The following KRT222 variants were observed in gnomAD, a reference collection of about 807,000 sequenced individuals.
The protein encoded by KRT222 is keratin 222, also known as keratin-like protein KRT222.
A neutral mutation model predicts 35.0 loss-of-function variants in KRT222; 23 were observed. That is an observed-to-expected ratio of 0.66 (90% CI 0.47 to 0.93). The LOEUF (loss-of-function observed/expected upper bound fraction) is 0.93. KRT222 is among the 40% of genes least tolerant of loss of function. The probability of loss-of-function intolerance (pLI) is 0.00; values close to 1 mark genes in which losing one functional copy is unlikely to be tolerated. For synonymous variants in KRT222, 108 were observed against 118.8 expected, an observed-to-expected ratio of 0.91 and a Z score of 0.59; for missense variants, 339 against 346.3, an observed-to-expected ratio of 0.98 and a Z score of 0.17.
chr17:40,663,731 T>C (rs566907031), intron 1 of KRT222, among the ~76,000 whole-genome samples: 1 of 152,372 alleles, frequency 6.6e-6, no homozygotes, highest in South Asian at 2.1e-4. Context: ...GAAAATCCTC[T>C]AAAGTAGTTT....
intron 2 of KRT222, 77 bp from the exon 3 acceptor site, chr17:40,660,284 C>CA: frequency 3.1e-6 from 3 of 952,998 alleles, no homozygotes; most frequent in Non-Finnish European, 4.6e-6. Context: ...ATATCTTCAT[C>CA]TTTTTTTTTT....
At position 40,656,329 on chromosome 17, in the gene KRT222, G is replaced by A; in HGVS notation, c.*73C>T. 2 of 988,892 alleles carry A rather than the reference G, an allele frequency of 2.0e-6. No individual in the cohort carries two copies. The highest frequency in any genetic ancestry group is 1.4e-5 in the South Asian group (1 of 72,974). 61.3% of individuals were successfully genotyped at this position (988,892 alleles called of 1,614,324 possible). A position where few individuals can be genotyped will look rare whatever the true frequency, so the allele number is the denominator to read the frequency against. On this transcript the variant is annotated 3_prime_UTR_variant, in exon 6 of 6. Transcript: ENST00000394052. ...ACATACGTAATAACTTACATTTTGGGACAGAGGGAGTTGGTATGGCCCACC... is the reference window on the plus strand; with the variant it reads ...ACATACGTAATAACTTACATTTTGGAACAGAGGGAGTTGGTATGGCCCACC...
Position 40,656,319 on chromosome 17 carries a change from TA to T in KRT222, c.*82del. 1.1e-6 allele frequency: 1 copy of T among 896,648 alleles called. No individual in the cohort carries two copies. Among genetic ancestry groups the T allele is most frequent in the Non-Finnish European group, 1.8e-6 (1 of 548,346 alleles). 55.5% of individuals were successfully genotyped at this position (896,648 alleles called of 1,614,324 possible). ...CATTTTCCATACATACGTAATAACT[TA>T]CATTTTGGGACAGAGGGAGTTGGTA... is the stretch of plus-strand genomic sequence containing the variant. On this transcript the variant is annotated 3_prime_UTR_variant, in exon 6 of 6. Transcript: ENST00000394052.
chr17:40,658,697 T>C (rs1407575650), intron 3 of KRT222, among the ~76,000 whole-genome samples: 2 of 152,198 alleles, frequency 1.3e-5, no homozygotes, highest in Admixed American at 1.3e-4. Flanking sequence ...AATGTCAAGA[T>C]TTATTATAGG....
At chr17:40,660,293 T>C in intron 2 of KRT222, 86 bp from the exon 3 acceptor site, 1 of 1,121,278 alleles carries the variant, frequency 8.9e-7, no homozygotes, top group Non-Finnish European at 1.3e-6. Context: ...TCTTTTTTTT[T>C]TTTTTGAGAT....
chr17:40,658,625 G>C (rs1265461938), intron 3 of KRT222, among the ~76,000 whole-genome samples: 1 of 152,092 alleles, frequency 6.6e-6, no homozygotes, highest in Non-Finnish European at 1.5e-5. Context: ...ACTTGCCCAA[G>C]GTCACTCAGC....
Position 40,662,038 on chromosome 17 carries a change from C to T in KRT222, c.103G>A (p.Glu35Lys). The T allele has an allele frequency of 6.2e-7, 1 of 1,612,610 alleles. No individual in the cohort carries two copies. The highest frequency in any genetic ancestry group is 1.1e-5 in the South Asian group (1 of 90,586). The change falls in exon 2 of 6, where the codon GAA becomes AAA. Residue 35 changes from glutamate (E) to lysine (K), a missense_variant. Coordinates refer to ENST00000394052, the MANE Select transcript of KRT222 (RefSeq NM_152349.3). Reference sequence around the variant, plus strand: ...TTGTCCATTTTTTTGCTTATGTCTTCTTCTAGCTAACAAGAAAGCCAACAG... The same window carrying T: ...TTGTCCATTTTTTTGCTTATGTCTTTTTCTAGCTAACAAGAAAGCCAACAG... The part of the protein sequence containing the change: ...TVLSTRIQLE[E>K]DISKKMDKDE...
intron 2 of KRT222, among the ~76,000 whole-genome samples, chr17:40,661,543 G>A (rs2037384005): frequency 6.6e-6 from 1 of 152,216 alleles, no homozygotes; most frequent in Non-Finnish European, 1.5e-5. Flanking sequence ...TGGGATTACA[G>A]GGGTAAGCCA....
intron 2 of KRT222, 53 bp from the exon 3 acceptor site, chr17:40,660,260 A>C: frequency 2.0e-6 from 3 of 1,472,244 alleles, no homozygotes; most frequent in Non-Finnish European, 2.8e-6. Context: ...TGTGTTTCTG[A>C]AATCTGATTT....
rs1177816608 is a variant in KRT222, at chr17:40,655,018, C to T, written c.*1384G>A. The T allele has an allele frequency of 1.1e-5, 1 of 93,662 alleles. No homozygotes were observed. Among genetic ancestry groups the T allele is most frequent in the Non-Finnish European group, 2.1e-5 (1 of 48,104 alleles). 5.8% of individuals were successfully genotyped at this position (93,662 alleles called of 1,614,324 possible). A position where few individuals can be genotyped will look rare whatever the true frequency, so the allele number is the denominator to read the frequency against. On this transcript the variant is annotated 3_prime_UTR_variant, in exon 6 of 6. Coordinates refer to ENST00000394052, the MANE Select transcript of KRT222 (RefSeq NM_152349.3). Reference sequence around the variant, plus strand: ...TTTCCTGGTTAAAACATACATTTTTCTGGTTGAAATATATATATACATATA... The same window carrying T: ...TTTCCTGGTTAAAACATACATTTTTTTGGTTGAAATATATATATACATATA...
rs1330544756 is a variant in KRT222 at position 40,655,774 on chromosome 17, T to C, written c.*628A>G. On this transcript the variant is annotated 3_prime_UTR_variant, in exon 6 of 6. Coordinates refer to ENST00000394052, the MANE Select transcript of KRT222 (RefSeq NM_152349.3). ...GTAGATTAACTTAATTGTACTTATCTCAAATTAGCCCTGGGGTGTGTTCTA... is the reference window on the plus strand; with the variant it reads ...GTAGATTAACTTAATTGTACTTATCCCAAATTAGCCCTGGGGTGTGTTCTA... The C allele has an allele frequency of 1.3e-5, 2 of 152,160 alleles. No homozygotes were observed. Among genetic ancestry groups the C allele is most frequent in the African/African-American group, 2.4e-5 (1 of 41,444 alleles). 9.4% of individuals were successfully genotyped at this position (152,160 alleles called of 1,614,324 possible).
rs770411863 is a variant in KRT222 at position 40,657,696 on chromosome 17, T to C, written c.501A>G (p.Arg167=). Residue 167 remains arginine, a synonymous_variant, in exon 4 of 6, where the codon AGA becomes AGG. Coordinates refer to ENST00000394052, the MANE Select transcript of KRT222 (RefSeq NM_152349.3). ...CACCTGATGGTAAAACAAAACCAAC[T>C]CTACTTGTGGTAGGCTTTTTGTCTT... is the stretch of plus-strand genomic sequence containing the variant. ...GKKDKKPTTS[R]VGFVLPSAII... is the part of the protein sequence containing the mutation. 6.2e-7 allele frequency: 1 copy of C among 1,612,846 alleles called. No homozygotes were observed. The highest frequency in any genetic ancestry group is 8.5e-7 in the Non-Finnish European group (1 of 1,179,288).
chr17:40,662,462 C>T (rs1015336484), intron 1 of KRT222, among the ~76,000 whole-genome samples: 8 of 152,258 alleles, frequency 5.3e-5, no homozygotes, highest in Admixed American at 1.3e-4. Context: ...GATAAACAGC[C>T]GTACCCCCAA....
chr17:40,661,584 G>C (rs140623214), intron 2 of KRT222, among the ~76,000 whole-genome samples: 1 of 152,094 alleles, frequency 6.6e-6, no homozygotes, highest in Non-Finnish European at 1.5e-5. Context: ...TTTATTCGAC[G>C]TCTCAATGGC....
Position 40,656,448 on chromosome 17 carries a change from C to G in KRT222, c.842G>C (p.Arg281Thr), listed in dbSNP as rs1193893733. The change falls in exon 6 of 6, where the codon AGA becomes ACA. Residue 281 changes from arginine to threonine, a missense_variant. By Grantham distance (71) the Arg-to-Thr change is moderately conservative. Transcript: ENST00000394052. ...PDIEVRLIMR[R>T]SCSIPSIKPP... ...TTTGATAGAGGGAATACTGCATGAT[C>G]TTCTCATGATAAGCCTGACTTCTAT... 6.2e-7 allele frequency: 1 copy of G among 1,613,848 alleles called. No individual in the cohort carries two copies. Among genetic ancestry groups the G allele is most frequent in the East Asian group, 2.2e-5 (1 of 44,814 alleles).
At chr17:40,658,138 C>CTT (rs74268058) in intron 3 of KRT222, among the ~76,000 whole-genome samples, 63 of 138,588 alleles carry the variant, frequency 4.5e-4, no homozygotes, top group Middle Eastern at 7.4e-3. Flanking sequence ...ACATTTTACT[C>CTT]TTTTTTTTTT....
chr17:40,657,289 A>G, intron 5 of KRT222, 63 bp downstream of exon 5: 1 of 1,147,206 alleles, frequency 8.7e-7, no homozygotes, highest in Non-Finnish European at 1.2e-6. Context: ...TACTGGGATT[A>G]CGCAAAGTTA....
At chr17:40,664,631 T>C (rs543293941) in intron 1 of KRT222, among the ~76,000 whole-genome samples, 1 of 152,302 alleles carries the variant, frequency 6.6e-6, no homozygotes, top group Non-Finnish European at 1.5e-5. Context: ...TTTAAAGATG[T>C]TATTTAAATT....
chr17:40,656,357 G>A lies in KRT222; in HGVS notation c.*45C>T. ...AGAGGGAGTTGGTATGGCCCACCTT[G>A]GTCCATCCTAACATTTTCCAATCAA... On this transcript the variant is annotated 3_prime_UTR_variant, in exon 6 of 6. Coordinates refer to ENST00000394052, the MANE Select transcript of KRT222 (RefSeq NM_152349.3). 1 of 1,445,784 alleles carries A rather than the reference G, an allele frequency of 6.9e-7. No individual in the cohort carries two copies. The allele number at this position is 1,445,784 out of a possible 1,614,324, so 89.6% of individuals were successfully genotyped here.
Sources: gnomAD v4.1 joint callset for allele counts (sites outside exome capture counted in the v4.1 genomes callset) on GRCh38, gnomAD v4.1.1 for gene constraint, MANE v1.5 for transcripts, NCBI Gene and HGNC (gene_info 2026-07-23, HGNC 2026-07-21) for gene names.